The following SIN3A variants were observed in gnomAD, a reference collection of about 807,000 sequenced individuals.
SIN3A encodes the protein SIN3 transcription regulator family member A.
A neutral mutation model predicts 146.1 loss-of-function variants in SIN3A; 14 were observed. The observed-to-expected ratio is 0.10, with a 90% confidence interval of 0.06 to 0.15. The LOEUF is 0.15. Ranked by LOEUF, SIN3A falls within the 10% of genes least tolerant of loss-of-function variation. The pLI, the probability that SIN3A is intolerant of heterozygous loss-of-function variation, is 1.00. For synonymous variants in SIN3A, 572 were observed against 572.0 expected (o/e 1.00, Z 0.00); for missense variants, 1,028 against 1,576.0 (o/e 0.65, Z 5.89).
At chr15:75,388,496 C>A (rs964822567) in intron 16 of SIN3A, 3 of 152,248 alleles carry the variant, frequency 2.0e-5, no homozygotes, top group Admixed American at 6.5e-5. Context: ...GGGTGACCAG[C>A]ATCCACAAGA....
chr15:75,434,136 T>C (rs1239281491), intron 1 of SIN3A, among the ~76,000 whole-genome samples: 1 of 152,182 alleles, frequency 6.6e-6, no homozygotes, highest in Non-Finnish European at 1.5e-5. Flanking sequence ...AAGAATCCCT[T>C]TACTTATTTA....
intron 10 of SIN3A, among the ~76,000 whole-genome samples, chr15:75,401,406 C>T (rs2073409496): frequency 6.6e-6 from 1 of 151,938 alleles, no homozygotes; most frequent in Admixed American, 6.6e-5. Flanking sequence ...TGGTGACAGG[C>T]ACCTGTAATC....
chr15:75,431,289 A>G (rs776443289), intron 1 of SIN3A, among the ~76,000 whole-genome samples: 1 of 152,224 alleles, frequency 6.6e-6, no homozygotes, highest in Admixed American at 6.5e-5. Flanking sequence ...TAAAATAAGA[A>G]AAGTTGGAAC....
chr15:75,394,857 C>T lies in SIN3A; in HGVS notation c.2100G>A (p.Lys700=). 1.2e-6 allele frequency: 2 copies of T among 1,613,156 alleles called. No homozygotes were observed. The highest frequency in any genetic ancestry group is 1.7e-6 in the Non-Finnish European group (2 of 1,179,520). Residue 700 remains lysine, a synonymous_variant, in exon 14 of 21, where the codon AAG becomes AAA. Coordinates refer to ENST00000394947, the MANE Select transcript of SIN3A (RefSeq NM_001145358.2). The part of the protein sequence containing the change: ...IAVPIVLKRL[K]MKEEEWREAQ... ...CTTCTCGCCATTCTTCCTCTTTCAT[C>T]TTCAACCTAGTGAAGCGGGAAGGGA...
intron 1 of SIN3A, among the ~76,000 whole-genome samples, chr15:75,448,860 A>G (rs958923260): frequency 4.6e-5 from 7 of 152,144 alleles, no homozygotes; most frequent in African/African-American, 1.7e-4. Flanking sequence ...AAATTACTAC[A>G]CACCTCCTTC....
At chr15:75,440,809 C>T (rs1013419314) in intron 1 of SIN3A, among the ~76,000 whole-genome samples, 2 of 151,744 alleles carry the variant, frequency 1.3e-5, no homozygotes, top group East Asian at 1.9e-4. Context: ...GGTGAAGCCC[C>T]GTCTTTACCA....
intron 17 of SIN3A, among the ~76,000 whole-genome samples, chr15:75,382,228 A>G (rs1385753279): frequency 6.6e-6 from 1 of 152,264 alleles, no homozygotes; most frequent in Admixed American, 6.5e-5. Context: ...ACTAATCAAT[A>G]TACATGCAGA....
chr15:75,400,597 C>T, intron 11 of SIN3A, 133 bp downstream of exon 11: 1 of 746,184 alleles, frequency 1.3e-6, no homozygotes, highest in Non-Finnish European at 2.2e-6. Flanking sequence ...AAGTAGAAAA[C>T]ATTTTCTTTT....
At chr15:75,449,819 C>T (rs2074370588) in intron 1 of SIN3A, among the ~76,000 whole-genome samples, 2 of 152,318 alleles carry the variant, frequency 1.3e-5, no homozygotes, top group South Asian at 4.1e-4. Context: ...TTGCTCCTGT[C>T]GCCCAGGCTA....
At chr15:75,447,005 G>A (rs1257121368) in intron 1 of SIN3A, among the ~76,000 whole-genome samples, 2 of 151,872 alleles carry the variant, frequency 1.3e-5, no homozygotes, top group African/African-American at 4.8e-5. Flanking sequence ...CTGACCTCGT[G>A]ATCCGCCTGC....
chr15:75,435,569 A>G (rs889376880), intron 1 of SIN3A, among the ~76,000 whole-genome samples: 4 of 152,010 alleles, frequency 2.6e-5, no homozygotes, highest in Admixed American at 1.3e-4. Flanking sequence ...GTGGTGGCGC[A>G]TGCCTGTAAT....
chr15:75,433,869 C>G (rs1281958905), intron 1 of SIN3A, among the ~76,000 whole-genome samples: 1 of 152,166 alleles, frequency 6.6e-6, no homozygotes, highest in Non-Finnish European at 1.5e-5. Context: ...ATTCCTAACT[C>G]TCTCTCAAAT....
intron 19 of SIN3A, among the ~76,000 whole-genome samples, chr15:75,377,942 G>C (rs577812915): frequency 1.3e-5 from 2 of 152,314 alleles, no homozygotes; most frequent in East Asian, 3.9e-4. Flanking sequence ...GTTGCCAATG[G>C]TAAGACTGGA....
chr15:75,383,301 T>C (rs796438394), intron 17 of SIN3A, among the ~76,000 whole-genome samples: 33 of 151,894 alleles, frequency 2.2e-4, no homozygotes, highest in African/African-American at 7.5e-4. Flanking sequence ...TTAAAGACCA[T>C]TTTGTCCAGT....
At chr15:75,442,617 TAAAAAAAAA>T (rs374599694) in intron 1 of SIN3A, among the ~76,000 whole-genome samples, 1 of 123,118 alleles carries the variant, frequency 8.1e-6, no homozygotes, top group Non-Finnish European at 1.7e-5. Context: ...ATCCCATCTT[TAAAAAAAAA>T]AAAAAAAAAA....
At chr15:75,413,156 A>C (rs1020202361) in intron 4 of SIN3A, 111 bp from the exon 5 acceptor site, 7 of 1,050,382 alleles carry the variant, frequency 6.7e-6, no homozygotes, top group Non-Finnish European at 9.3e-6. Flanking sequence ...TCTGTTGCCC[A>C]GGCTGGACTG....
Position 75,412,748 on chromosome 15 carries a change from T to C in SIN3A, c.756+15A>G, listed in dbSNP as rs2073664335. 1.3e-6 allele frequency: 2 copies of C among 1,549,670 alleles called. No individual in the cohort carries two copies. Among genetic ancestry groups the C allele is most frequent in the Non-Finnish European group, 1.7e-6 (2 of 1,148,952 alleles). ...GGATGCATTCATATTGATGCAATAT[T>C]TTCCAAGTGCTCACCTTGCTGACTT... On this transcript the variant is annotated intron_variant, in intron 5 of 20. Coordinates refer to ENST00000394947, the MANE Select transcript of SIN3A (RefSeq NM_001145358.2).
At chr15:75,431,836 C>G (rs2074018691) in intron 1 of SIN3A, among the ~76,000 whole-genome samples, 1 of 152,178 alleles carries the variant, frequency 6.6e-6, no homozygotes, top group African/African-American at 2.4e-5. Context: ...CTCTGAAATC[C>G]TGTCTCAGGT....
chr15:75,441,761 A>T (rs2074215902), intron 1 of SIN3A, among the ~76,000 whole-genome samples: 1 of 152,108 alleles, frequency 6.6e-6, no homozygotes, highest in East Asian at 1.9e-4. Context: ...TGTTGGAGAG[A>T]ACAGTCATCT....
Sources: allele counts gnomAD v4.1 joint callset (sites outside exome capture counted in the v4.1 genomes callset), GRCh38; gene constraint gnomAD v4.1.1; transcripts MANE v1.5; gene names NCBI Gene and HGNC (gene_info 2026-07-23, HGNC 2026-07-21).